LARP1: variants seen among roughly 807,000 people sequenced by gnomAD.
LARP1 encodes the protein La ribonucleoprotein 1, translational regulator, also known as la-related protein 1.
Under a neutral mutation model 122.7 loss-of-function variants are expected in LARP1, and 36 were observed. The ratio of observed to expected loss-of-function variants is 0.29; its 90% CI spans 0.22 to 0.39. The LOEUF is 0.39. Ranked by LOEUF, LARP1 falls within the 10% of genes least tolerant of loss-of-function variation. The pLI, the probability that LARP1 is intolerant of heterozygous loss-of-function variation, is 1.00. For synonymous variants in LARP1, 539 were observed against 528.7 expected, an observed-to-expected ratio of 1.02 and a Z score of -0.27; for missense variants, 1,040 against 1,403.6, an observed-to-expected ratio of 0.74 and a Z score of 4.14.
rs892198995 is a variant in LARP1 at position 154,755,745 on chromosome 5, G to T, written c.-13G>T. 5.7e-5 allele frequency: 56 copies of T among 987,398 alleles called. No homozygotes were observed. The highest frequency in any genetic ancestry group is 2.1e-4 in the African/African-American group (12 of 57,188). The allele number at this position is 987,398 out of a possible 1,614,324, so 61.2% of individuals were successfully genotyped here. On this transcript the variant is annotated 5_prime_UTR_variant, in exon 1 of 19. Coordinates refer to ENST00000518297, the MANE Select transcript of LARP1 (RefSeq NM_033551.3). Reference sequence around the variant, plus strand: ...CGGGCGCGCCCGGCTTCTCCGGGGGGGCGGGCGCGCAGATGGCCACTCAGG... The same window carrying T: ...CGGGCGCGCCCGGCTTCTCCGGGGGTGCGGGCGCGCAGATGGCCACTCAGG...
intron 1 of LARP1, among the ~76,000 whole-genome samples, chr5:154,772,942 A>G (rs549398343): frequency 6.7e-6 from 1 of 149,926 alleles, no homozygotes; most frequent in East Asian, 1.9e-4. Flanking sequence ...CTGCCTCCCA[A>G]AGTGCTGGGA....
At chr5:154,784,032 G>T (rs73276779) in intron 1 of LARP1, among the ~76,000 whole-genome samples, 93 of 152,344 alleles carry the variant, frequency 6.1e-4, no homozygotes, top group African/African-American at 2.2e-3. Context: ...GCTAGGGCCT[G>T]CGTTCCTCTG....
At chr5:154,772,177 A>G (rs993364731) in intron 1 of LARP1, among the ~76,000 whole-genome samples, 1 of 152,228 alleles carries the variant, frequency 6.6e-6, no homozygotes, top group African/African-American at 2.4e-5. Context: ...AAAATTTTCT[A>G]GTAGCCAAAA....
intron 1 of LARP1, among the ~76,000 whole-genome samples, chr5:154,757,832 TCCC>T (rs1185910014): frequency 7.4e-5 from 2 of 26,986 alleles, no homozygotes; most frequent in East Asian, 2.7e-3. Flanking sequence ...CTGCTCCCCT[TCCC>T]CCCTGCTCCC....
chr5:154,722,273 G>A (rs538717198), intron 1 of LARP1, among the ~76,000 whole-genome samples: 1 of 152,210 alleles, frequency 6.6e-6, no homozygotes, highest in South Asian at 2.1e-4. Flanking sequence ...GGAGGCTGCT[G>A]GACTCCTTTT....
In LARP1 at chr5:154,814,830, C is replaced by G. The variant is rs13165875; in HGVS notation, c.*734C>G. Reference sequence around the variant, plus strand: ...TTGAAAGATGTTTTATTTTATTTTTCTCTGACCTTTCCATCCTTGAAAAAA... The same window carrying G: ...TTGAAAGATGTTTTATTTTATTTTTGTCTGACCTTTCCATCCTTGAAAAAA... On this transcript the variant is annotated 3_prime_UTR_variant, in exon 19 of 19. Transcript: ENST00000518297. The G allele has an allele frequency of 2.0e-5, 3 of 150,912 alleles. No individual in the cohort carries two copies. The highest frequency in any genetic ancestry group is 4.9e-5 in the African/African-American group (2 of 40,888). 9.3% of individuals were successfully genotyped at this position (150,912 alleles called of 1,614,324 possible).
At chr5:154,758,767 T>A (rs1414098334) in intron 1 of LARP1, among the ~76,000 whole-genome samples, 1 of 152,254 alleles carries the variant, frequency 6.6e-6, no homozygotes, top group African/African-American at 2.4e-5. Context: ...GCCTTACTTT[T>A]GGCTCAAATG....
chr5:154,744,051 T>A (rs1403065385), intron 1 of LARP1, among the ~76,000 whole-genome samples: 1 of 152,110 alleles, frequency 6.6e-6, no homozygotes, highest in African/African-American at 2.4e-5. Flanking sequence ...TGACTCTGGA[T>A]CTCCTGGGTC....
chr5:154,703,173 T>G (rs2113256506), intron 1 of LARP1, among the ~76,000 whole-genome samples: 1 of 147,192 alleles, frequency 6.8e-6, no homozygotes, highest in South Asian at 2.2e-4. Context: ...AACCAGCAGA[T>G]GAGCCTGCTT....
intron 10 of LARP1, among the ~76,000 whole-genome samples, chr5:154,800,402 A>C (rs1758253665): frequency 6.6e-6 from 1 of 152,044 alleles, no homozygotes; most frequent in South Asian, 2.1e-4. Flanking sequence ...TTCCCTGAGT[A>C]TGTCCCCACT....
At chr5:154,798,128 A>C (rs1321841014) in intron 8 of LARP1, among the ~76,000 whole-genome samples, 1 of 152,162 alleles carries the variant, frequency 6.6e-6, no homozygotes, top group African/African-American at 2.4e-5. Context: ...AGTTTTAGAG[A>C]TTGCTTTCTC....
intron 1 of LARP1, among the ~76,000 whole-genome samples, chr5:154,706,021 C>T (rs574642072): frequency 2.6e-5 from 4 of 152,164 alleles, no homozygotes; most frequent in South Asian, 2.1e-4. Context: ...TATGGCCGGG[C>T]GCGGTGGCTC....
intron 6 of LARP1, 47 bp from the exon 7 acceptor site, chr5:154,794,053 G>A: frequency 6.2e-7 from 1 of 1,611,542 alleles, no homozygotes; most frequent in Non-Finnish European, 8.5e-7. Context: ...CAGCAGGGGT[G>A]GTGGGCAGGA....
intron 8 of LARP1, among the ~76,000 whole-genome samples, chr5:154,796,121 T>G (rs1336450718): frequency 9.6e-6 from 1 of 104,246 alleles, no homozygotes; most frequent in Non-Finnish European, 1.8e-5. Context: ...AGTATATATA[T>G]TATATATATT....
At chr5:154,713,156 T>G (rs1755310549) in intron 1 of LARP1, 6 of 1,591,592 alleles carry the variant, frequency 3.8e-6, no homozygotes, top group Non-Finnish European at 5.2e-6. Context: ...CTGCGTTTCT[T>G]GAACCTCAGG....
chr5:154,793,459 T>C (rs1757496458), intron 4 of LARP1, 136 bp from the exon 5 acceptor site: 1 of 1,071,228 alleles, frequency 9.3e-7, no homozygotes, highest in African/African-American at 1.6e-5. Context: ...GGCTAATGTG[T>C]GGGAAAGGGA....
At chr5:154,716,302 G>A (rs1023770909) in intron 1 of LARP1, among the ~76,000 whole-genome samples, 2 of 152,024 alleles carry the variant, frequency 1.3e-5, no homozygotes, top group Non-Finnish European at 2.9e-5. Context: ...TGTATTTTTA[G>A]TAGAGATGGG....
upstream of LARP1, among the ~76,000 whole-genome samples, chr5:154,708,614 T>G (rs547467736): frequency 6.6e-5 from 10 of 152,258 alleles, no homozygotes; most frequent in African/African-American, 1.4e-4. Context: ...AATGTTTTTT[T>G]TTGTTGTTGT....
At chr5:154,699,436 C>A (rs890648037) in intron 1 of LARP1, among the ~76,000 whole-genome samples, 1 of 151,744 alleles carries the variant, frequency 6.6e-6, no homozygotes, top group Non-Finnish European at 1.5e-5. Flanking sequence ...GAGAGGATGG[C>A]TTGAAGCCAG....
Sources: gnomAD v4.1 joint callset for allele counts (sites outside exome capture counted in the v4.1 genomes callset) on GRCh38, gnomAD v4.1.1 for gene constraint, MANE v1.5 for transcripts, NCBI Gene and HGNC (gene_info 2026-07-23, HGNC 2026-07-21) for gene names.